Variants in ZNF335 observed in about 807,000 individuals in gnomAD.
ZNF335 encodes NRC-interacting factor 1.
ZNF335 carries 84 observed loss-of-function variants against 145.6 expected under a neutral mutation model. The ratio of observed to expected loss-of-function variants is 0.58; its 90% CI spans 0.48 to 0.69. The LOEUF is 0.69. Among genes scored for constraint, ZNF335 ranks in the 30% least tolerant of loss-of-function variants. The pLI is 0.00. For synonymous variants in ZNF335, 761 were observed against 717.0 expected, an observed-to-expected ratio of 1.06 and a Z score of -0.98; for missense variants, 1,865 against 1,809.7, an observed-to-expected ratio of 1.03 and a Z score of -0.55.
At chr20:45,959,513 G>C (rs1298890837) in intron 14 of ZNF335, 80 bp from the exon 15 acceptor site, 17 of 1,105,594 alleles carry the variant, frequency 1.5e-5, no homozygotes, top group Non-Finnish European at 2.1e-5. Context: ...TGACCCTAAG[G>C]ATCTCTCCAA....
At chr20:45,971,514 G>A in intron 1 of ZNF335, 54 bp from the exon 2 acceptor site, 10 of 1,519,416 alleles carry the variant, frequency 6.6e-6, no homozygotes, top group South Asian at 1.2e-5. Flanking sequence ...CCCAGCCCCG[G>A]CAACCACGGC....
At chr20:45,958,055 C>CTT (rs796983437) in intron 15 of ZNF335, 127 bp from the exon 16 acceptor site, 1,140 of 580,382 alleles carry the variant, frequency 2.0e-3, no homozygotes, top group African/African-American at 2.7e-3. Context: ...AACCACTTTT[C>CTT]TTTTTTTTTT....
At chr20:45,954,770 CTTTTTTTT>C (rs10577924) in intron 17 of ZNF335, among the ~76,000 whole-genome samples, 5 of 90,164 alleles carry the variant, frequency 5.5e-5, no homozygotes, top group Non-Finnish European at 1.1e-4. Context: ...CATACAATTA[CTTTTTTTT>C]TTTTTTTTTT....
chr20:45,955,117 G>A (rs1278873691), intron 17 of ZNF335, among the ~76,000 whole-genome samples: 3 of 151,962 alleles, frequency 2.0e-5, no homozygotes, highest in Non-Finnish European at 4.4e-5. Context: ...CTGGAAGGCC[G>A]AGGCGGGCAG....
rs73622638 is a variant in ZNF335, at chr20:45,964,317, C to T, written c.1103-327G>A. On this transcript the variant is annotated intron_variant, in intron 7 of 27. Transcript: ENST00000322927. ...CCTACAGACAAAGCCATTCCTCTCC[C>T]GGAGTCTCATTTGCCCCATTTATCC... 7,054 of 254,170 alleles carry T rather than the reference C, an allele frequency of 0.028. 438 individuals carry two copies. The highest frequency in any genetic ancestry group is 0.22 in the East Asian group (2,906 of 13,280). The allele number at this position is 254,170 out of a possible 1,614,324, so 15.7% of individuals were successfully genotyped here. A position where few individuals can be genotyped will look rare whatever the true frequency, so the allele number is the denominator to read the frequency against.
At chr20:45,962,569 A>G (rs1346673300) in intron 9 of ZNF335, among the ~76,000 whole-genome samples, 1 of 152,214 alleles carries the variant, frequency 6.6e-6, no homozygotes, top group South Asian at 2.1e-4. Flanking sequence ...CAGCGTGCAC[A>G]GAGCACAGGG....
intron 18 of ZNF335, among the ~76,000 whole-genome samples, chr20:45,953,326 C>T (rs2083668291): frequency 1.3e-5 from 2 of 152,172 alleles, no homozygotes; most frequent in Admixed American, 1.3e-4. Flanking sequence ...CCTGGGATCA[C>T]CCAAGAAGAG....
At position 45,948,707 on chromosome 20, in the gene ZNF335, GTCCACCCAAACAAAAATAAATTTCTC is replaced by G; in HGVS notation, c.*220_*245del. The G allele has an allele frequency of 1.9e-6, 1 of 528,220 alleles. No homozygotes were observed. Among genetic ancestry groups the G allele is most frequent in the East Asian group, 3.5e-5 (1 of 28,952 alleles). The allele number at this position is 528,220 out of a possible 1,614,324, so 32.7% of individuals were successfully genotyped here. ...TTTATTGAGACTGACAGGCCAGTGG[GTCCACCCAAACAAAAATAAATTTCTC>G]TCCCAAAGCCTGCCTGCAGGCTGGG... On this transcript the variant is annotated 3_prime_UTR_variant, in exon 28 of 28. Coordinates refer to ENST00000322927, the MANE Select transcript of ZNF335 (RefSeq NM_022095.4).
chr20:45,948,750 C>G lies in ZNF335; in HGVS notation c.*203G>C, dbSNP rs781605435. 1 of 715,598 alleles carries G rather than the reference C, an allele frequency of 1.4e-6. No homozygotes were observed. Among genetic ancestry groups the G allele is most frequent in the Non-Finnish European group, 2.3e-6 (1 of 438,766 alleles). The allele number at this position is 715,598 out of a possible 1,614,324, so 44.3% of individuals were successfully genotyped here. Reference sequence around the variant, plus strand: ...AAATTTCTCTCCCAAAGCCTGCCTGCAGGCTGGGGCACCCAGCATGTCCTG... The same window carrying G: ...AAATTTCTCTCCCAAAGCCTGCCTGGAGGCTGGGGCACCCAGCATGTCCTG... On this transcript the variant is annotated 3_prime_UTR_variant, in exon 28 of 28. Coordinates refer to ENST00000322927, the MANE Select transcript of ZNF335 (RefSeq NM_022095.4).
At position 45,969,671 on chromosome 20, in the gene ZNF335, G is replaced by A; in HGVS notation, c.222C>T (p.Ser74=). The A allele has an allele frequency of 1.9e-6, 3 of 1,611,750 alleles. No homozygotes were observed. Among genetic ancestry groups the A allele is most frequent in the Non-Finnish European group, 2.5e-6 (3 of 1,179,124 alleles). Residue 74 remains serine, a synonymous_variant, in exon 3 of 28, where the codon AGC becomes AGT. Transcript: ENST00000322927. ...TATTAGGCAGGGGGTCTGCGCTCGA[G>A]CTGCTCTCAGATACCTCCTCCTGAG... The part of the protein sequence containing the change: ...SRSQEEVSES[S]SSADPLPNSY...
rs559218547 is a variant in ZNF335 at position 45,962,129 on chromosome 20, G to A, written c.1587C>T (p.Ser529=). The change falls in exon 10 of 28, where the codon AGC becomes AGT. Residue 529 remains serine, a synonymous_variant. Transcript: ENST00000322927. ...GSKPYKCDEC[S]YTSVYRKDVI... ...CGTCCTTCCGGTAGACACTGGTGTA[G>A]CTGCACTCGTCACACTTGTAGGGCT... The A allele has an allele frequency of 7.9e-5, 127 of 1,612,366 alleles. No homozygotes were observed. In the East Asian group the frequency reaches 2.7e-3, roughly 35 times the overall value.
chr20:45,969,836 C>G (rs753157526), intron 2 of ZNF335, 145 bp from the exon 3 acceptor site: 4 of 1,111,402 alleles, frequency 3.6e-6, no homozygotes, highest in Non-Finnish European at 4.9e-6. Context: ...CCACGGAGGA[C>G]CAGTGAGAGA....
intron 2 of ZNF335, among the ~76,000 whole-genome samples, chr20:45,970,755 GTT>G (rs5841616): frequency 2.3e-5 from 3 of 127,888 alleles, no homozygotes; most frequent in South Asian, 5.2e-4. Flanking sequence ...GGGCACTTGC[GTT>G]TTTTTTTTTT....
chr20:45,953,178 C>G (rs1210535040), intron 18 of ZNF335, among the ~76,000 whole-genome samples: 5 of 152,234 alleles, frequency 3.3e-5, no homozygotes, highest in Non-Finnish European at 5.9e-5. Context: ...TCAGGGCTTC[C>G]TCAGATGGCC....
intron 9 of ZNF335, among the ~76,000 whole-genome samples, chr20:45,962,710 G>C (rs532881220): frequency 2.7e-4 from 41 of 152,154 alleles, no homozygotes; most frequent in African/African-American, 9.9e-4. Flanking sequence ...TCATTGGGCT[G>C]CAATAAGGAT....
rs374258733 is a variant in ZNF335, at chr20:45,971,433, G to A, written c.-23C>T. ...CATCTGATCGGCGGGCTGCCTGACA[G>A]CGGGGCGTAGGGTCTGGGAACTTCA... On this transcript the variant is annotated 5_prime_UTR_variant, in exon 2 of 28. Coordinates refer to ENST00000322927, the MANE Select transcript of ZNF335 (RefSeq NM_022095.4). The A allele has an allele frequency of 1.3e-6, 2 of 1,597,500 alleles. No homozygotes were observed. Among genetic ancestry groups the A allele is most frequent in the Non-Finnish European group, 1.7e-6 (2 of 1,179,142 alleles).
chr20:45,953,058 C>T (rs1426377550), intron 18 of ZNF335, among the ~76,000 whole-genome samples: 1 of 152,234 alleles, frequency 6.6e-6, no homozygotes, highest in Non-Finnish European at 1.5e-5. Context: ...CGAGGACCTG[C>T]TGCCTAAGAG....
In ZNF335 at chr20:45,953,776, G is replaced by A. The variant is rs1338219991; in HGVS notation, c.2615C>T (p.Ala872Val). 6.2e-7 allele frequency: 1 copy of A among 1,614,080 alleles called. No homozygotes were observed. Among genetic ancestry groups the A allele is most frequent in the East Asian group, 2.2e-5 (1 of 44,890 alleles). ...GPPDLPQITL[A>V]PGPFGGTGYS... Reference sequence around the variant, plus strand: ...GCCAGTCCCACCAAATGGACCAGGTGCCAGGGTGATCTGCGGTAGGTCAGG... The same window carrying A: ...GCCAGTCCCACCAAATGGACCAGGTACCAGGGTGATCTGCGGTAGGTCAGG... Residue 872 changes from alanine to valine, a missense_variant, in exon 18 of 28, where the codon GCA (alanine) becomes GTA (valine). By Grantham distance (64) the Ala-to-Val change is moderately conservative (BLOSUM62 0). Transcript: ENST00000322927.
At chr20:45,956,875 G>T (rs1358109947) in intron 17 of ZNF335, among the ~76,000 whole-genome samples, 1 of 152,130 alleles carries the variant, frequency 6.6e-6, no homozygotes, top group African/African-American at 2.4e-5. Context: ...TTCTAGGGAT[G>T]ATACCAAAGG....
Sources: allele counts gnomAD v4.1 joint callset (sites outside exome capture counted in the v4.1 genomes callset), GRCh38; gene constraint gnomAD v4.1.1; transcripts MANE v1.5; gene names NCBI Gene and HGNC (gene_info 2026-07-23, HGNC 2026-07-21).